HIBADH: variants seen among roughly 807,000 people sequenced by gnomAD.
The protein encoded by HIBADH is 3-hydroxyisobutyrate dehydrogenase, also known as 3-hydroxyisobutyrate dehydrogenase, mitochondrial.
In HIBADH, 25 loss-of-function variants were observed where a neutral mutation model predicts 36.1. That is an observed-to-expected ratio of 0.69 (90% CI 0.50 to 0.97). The LOEUF (loss-of-function observed/expected upper bound fraction) is 0.97. HIBADH is among the 50% of genes least tolerant of loss of function. HIBADH has a pLI of 0.00. For missense variants in HIBADH, 421 were observed against 418.0 expected (o/e 1.01, Z -0.06); for synonymous variants, 160 against 149.5 (o/e 1.07, Z -0.51).
chr7:27,576,031 TGA>T (rs1227956588), intron 4 of HIBADH, among the ~76,000 whole-genome samples: 1 of 152,122 alleles, frequency 6.6e-6, no homozygotes, highest in Admixed American at 6.5e-5. Flanking sequence ...CTGGAAAGCT[TGA>T]GAAGAAACAT....
At chr7:27,554,206 G>A (rs879780368) in intron 4 of HIBADH, among the ~76,000 whole-genome samples, 20 of 152,058 alleles carry the variant, frequency 1.3e-4, no homozygotes, top group Non-Finnish European at 2.2e-4. Flanking sequence ...GGCTGGTCTC[G>A]AACTCCTGAC....
At chr7:27,563,900 CTTTTTTT>C (rs56869443) in intron 4 of HIBADH, among the ~76,000 whole-genome samples, 2 of 133,504 alleles carry the variant, frequency 1.5e-5, no homozygotes, top group Non-Finnish European at 3.1e-5. Flanking sequence ...TGTTAATTTT[CTTTTTTT>C]TTTTTTTTTG....
chr7:27,555,302 CTTTTTTT>C (rs3072856), intron 4 of HIBADH, among the ~76,000 whole-genome samples: 2 of 127,436 alleles, frequency 1.6e-5, no homozygotes, highest in Non-Finnish European at 3.2e-5. Context: ...TCTTGCTCTA[CTTTTTTT>C]TTTTTTTTTT....
intron 1 of HIBADH, among the ~76,000 whole-genome samples, chr7:27,661,595 A>G (rs1040562351): frequency 6.6e-6 from 1 of 151,352 alleles, no homozygotes; most frequent in African/African-American, 2.4e-5. Flanking sequence ...CAAAAAAAAA[A>G]AAAAAAAAAA....
intron 4 of HIBADH, among the ~76,000 whole-genome samples, chr7:27,604,891 A>G (rs1234433431): frequency 6.6e-6 from 1 of 152,114 alleles, no homozygotes; most frequent in African/African-American, 2.4e-5. Context: ...ACATTTCTTA[A>G]AACAGGTTGT....
chr7:27,551,617 C>T (rs2128185523), intron 4 of HIBADH, among the ~76,000 whole-genome samples: 1 of 151,330 alleles, frequency 6.6e-6, no homozygotes, highest in South Asian at 2.1e-4. Context: ...CGAACTACTC[C>T]CAAGTTACAA....
intron 7 of HIBADH, among the ~76,000 whole-genome samples, chr7:27,526,919 T>C (rs1783910990): frequency 6.6e-6 from 1 of 152,036 alleles, no homozygotes; most frequent in South Asian, 2.1e-4. Context: ...AGTACTATCA[T>C]GGGATCCAAG....
At position 27,658,465 on chromosome 7, in the gene HIBADH, T is replaced by C. The variant is rs536393600; in HGVS notation, c.91+4233A>G. On this transcript the variant is annotated intron_variant, in intron 1 of 7. Transcript: ENST00000265395. ...GCAAATTTACCGATTATGACCTCTT[T>C]CTCCAATGTAACAAGGGGAGTTATC... Among the ~76,000 whole-genome samples, 11 of 152,298 alleles carry C rather than the reference T, an allele frequency of 7.2e-5. No homozygotes were observed. The East Asian group carries it at 1.2e-3, about 16-fold the overall frequency.
chr7:27,642,206 A>T (rs1785972527), intron 2 of HIBADH, among the ~76,000 whole-genome samples: 1 of 137,112 alleles, frequency 7.3e-6, no homozygotes, highest in African/African-American at 2.8e-5. Context: ...TTTATGCAGG[A>T]ATCTTGGAGA....
At chr7:27,604,036 G>A (rs562308004) in intron 4 of HIBADH, among the ~76,000 whole-genome samples, 75 of 152,086 alleles carry the variant, frequency 4.9e-4, no homozygotes, top group African/African-American at 1.7e-3. Context: ...CCTCCACTTA[G>A]ACAGTATTGC....
At chr7:27,570,457 G>T (rs1784612271) in intron 4 of HIBADH, among the ~76,000 whole-genome samples, 1 of 152,076 alleles carries the variant, frequency 6.6e-6, no homozygotes, top group African/African-American at 2.4e-5. Context: ...ATATTTACAT[G>T]ATATTTTTAC....
At chr7:27,627,154 A>G (rs573975580) in intron 4 of HIBADH, among the ~76,000 whole-genome samples, 2 of 152,214 alleles carry the variant, frequency 1.3e-5, no homozygotes, top group East Asian at 3.9e-4. Flanking sequence ...CTGCTCCCCC[A>G]TTGTTCCTAT....
intron 4 of HIBADH, among the ~76,000 whole-genome samples, chr7:27,598,875 G>A (rs988271637): frequency 1.3e-5 from 2 of 151,298 alleles, no homozygotes; most frequent in African/African-American, 4.9e-5. Context: ...ACTCTTAGAA[G>A]ATTAGGAACC....
chr7:27,568,713 C>A (rs780812362), intron 4 of HIBADH, among the ~76,000 whole-genome samples: 62 of 152,228 alleles, frequency 4.1e-4, no homozygotes, highest in Non-Finnish European at 7.4e-4. Context: ...TCAAGTGATC[C>A]ACCCACTTTA....
At chr7:27,651,666 T>C (rs1786198208) in intron 1 of HIBADH, among the ~76,000 whole-genome samples, 1 of 152,216 alleles carries the variant, frequency 6.6e-6, no homozygotes, top group Non-Finnish European at 1.5e-5. Flanking sequence ...AAACAATTCA[T>C]AAGTATGGTC....
chr7:27,539,290 AG>A (rs1784112854), intron 5 of HIBADH, among the ~76,000 whole-genome samples: 1 of 152,196 alleles, frequency 6.6e-6, no homozygotes, highest in Admixed American at 6.6e-5. Flanking sequence ...GGCTTGGACC[AG>A]GTCCTGTGTT....
intron 4 of HIBADH, among the ~76,000 whole-genome samples, chr7:27,551,159 C>A (rs1277663142): frequency 3.4e-5 from 5 of 145,638 alleles, no homozygotes; most frequent in Non-Finnish European, 6.0e-5. Context: ...CAGCATGATT[C>A]TTTACATGTG....
At chr7:27,535,584 T>C (rs1216043583) in intron 6 of HIBADH, among the ~76,000 whole-genome samples, 1 of 152,112 alleles carries the variant, frequency 6.6e-6, no homozygotes, top group African/African-American at 2.4e-5. Flanking sequence ...ACATCATCAA[T>C]GTTATTTCTA....
At chr7:27,608,634 A>C (rs1272882554) in intron 4 of HIBADH, among the ~76,000 whole-genome samples, 1 of 152,226 alleles carries the variant, frequency 6.6e-6, no homozygotes, top group Admixed American at 6.5e-5. Flanking sequence ...GATCACAAAC[A>C]AAACAAAATG....
Sources: allele counts gnomAD v4.1 joint callset (sites outside exome capture counted in the v4.1 genomes callset), GRCh38; gene constraint gnomAD v4.1.1; transcripts MANE v1.5; gene names NCBI Gene and HGNC (gene_info 2026-07-23, HGNC 2026-07-21).